Variants in PDE1A observed in about 807,000 individuals in gnomAD.
PDE1A encodes dual specificity calcium/calmodulin-dependent 3',5'-cyclic nucleotide phosphodiesterase 1A.
A neutral mutation model predicts 61.7 loss-of-function variants in PDE1A; 35 were observed. That is an observed-to-expected ratio of 0.57 (90% CI 0.43 to 0.75). The LOEUF is 0.75. Among genes scored for constraint, PDE1A ranks in the 30% least tolerant of loss-of-function variants. The pLI is 0.00. For synonymous variants in PDE1A, 232 were observed against 213.2 expected (o/e 1.09, Z -0.77); for missense variants, 597 against 630.6 (o/e 0.95, Z 0.57).
chr2:182,411,901 T>C (rs1418089679), intron 1 of PDE1A, among the ~76,000 whole-genome samples: 1 of 151,824 alleles, frequency 6.6e-6, no homozygotes, highest in Non-Finnish European at 1.5e-5. Context: ...CTACTAAAAA[T>C]ACAAAAATTA....
At chr2:182,406,726 T>C (rs533222391) in intron 1 of PDE1A, among the ~76,000 whole-genome samples, 9 of 152,238 alleles carry the variant, frequency 5.9e-5, no homozygotes, top group African/African-American at 2.2e-4. Context: ...GCAGTAAATA[T>C]TTTCTTTAGT....
chr2:182,261,519 A>C (rs1013222916), intron 2 of PDE1A, among the ~76,000 whole-genome samples: 40 of 152,192 alleles, frequency 2.6e-4, no homozygotes, highest in Admixed American at 1.3e-4. Context: ...AGTAAATATT[A>C]GGAATAATGT....
chr2:182,305,951 GTCA>G (rs1338349590), intron 1 of PDE1A, among the ~76,000 whole-genome samples: 1 of 151,968 alleles, frequency 6.6e-6, no homozygotes, highest in African/African-American at 2.4e-5. Context: ...TTGAACTATA[GTCA>G]TCATACTATG....
chr2:182,693,019 GT>G, the PDE1A span, among the ~76,000 whole-genome samples: 1 of 152,098 alleles, frequency 6.6e-6, no homozygotes, highest in Non-Finnish European at 1.5e-5. Context: ...GAGCCCACGA[GT>G]TTGAGGTTGC....
At chr2:182,392,970 T>C (rs1472370924) in intron 1 of PDE1A, among the ~76,000 whole-genome samples, 1 of 152,246 alleles carries the variant, frequency 6.6e-6, no homozygotes, top group Admixed American at 6.5e-5. Context: ...GTGTAAGCTG[T>C]TTGTGGATCT....
chr2:182,477,759 G>A (rs1687458469), intron 2 of PDE1A, among the ~76,000 whole-genome samples: 1 of 151,922 alleles, frequency 6.6e-6, no homozygotes, highest in Non-Finnish European at 1.5e-5. Flanking sequence ...GCATAAGATT[G>A]CATAGTTACG....
intron 2 of PDE1A, among the ~76,000 whole-genome samples, chr2:182,254,113 C>G (rs552781362): frequency 6.6e-6 from 1 of 152,104 alleles, no homozygotes; most frequent in African/African-American, 2.4e-5. Flanking sequence ...ACACATAGAG[C>G]TTTTTTGTTA....
chr2:182,560,566 T>C, the PDE1A span, among the ~76,000 whole-genome samples: 15 of 151,896 alleles, frequency 9.9e-5, no homozygotes, highest in Non-Finnish European at 1.8e-4. Flanking sequence ...TATAGTCCTT[T>C]GGGTATATAC....
chr2:182,376,955 G>T (rs139226652), intron 1 of PDE1A, among the ~76,000 whole-genome samples: 1,657 of 152,260 alleles, frequency 0.011, 18 homozygotes, highest in Middle Eastern at 0.02. Context: ...TAGTATAGGG[G>T]AAACTGCCCC....
intron 2 of PDE1A, among the ~76,000 whole-genome samples, chr2:182,455,903 T>C (rs1367988647): frequency 6.9e-6 from 1 of 145,870 alleles, no homozygotes; most frequent in African/African-American, 2.6e-5. Context: ...ACTTAAAGTA[T>C]AATAATAATA....
At chr2:182,640,655 A>T in the PDE1A span, among the ~76,000 whole-genome samples, 2 of 152,166 alleles carry the variant, frequency 1.3e-5, no homozygotes, top group African/African-American at 2.4e-5. Context: ...ATACTGTAAG[A>T]CAAAGGGTAT....
intron 1 of PDE1A, among the ~76,000 whole-genome samples, chr2:182,313,567 G>A (rs574930541): frequency 6.6e-6 from 1 of 152,142 alleles, no homozygotes; most frequent in East Asian, 1.9e-4. Context: ...AGCAGTAAGA[G>A]CAGACATCTT....
At chr2:182,673,540 C>T in the PDE1A span, among the ~76,000 whole-genome samples, 5 of 151,866 alleles carry the variant, frequency 3.3e-5, no homozygotes, top group Non-Finnish European at 5.9e-5. Flanking sequence ...TCAGAAAATG[C>T]GTCACTTAAA....
At chr2:182,177,485 T>C (rs1388080088) in intron 13 of PDE1A, among the ~76,000 whole-genome samples, 2 of 152,170 alleles carry the variant, frequency 1.3e-5, no homozygotes, top group African/African-American at 4.8e-5. Flanking sequence ...GAGGTGTTTG[T>C]AGTATTCTCC....
chr2:182,665,369 C>T, the PDE1A span, among the ~76,000 whole-genome samples: 1 of 151,822 alleles, frequency 6.6e-6, no homozygotes, highest in African/African-American at 2.4e-5. Context: ...AACAAATTTA[C>T]AGGAAAAAAA....
chr2:182,467,072 A>G (rs1686720372), intron 2 of PDE1A, among the ~76,000 whole-genome samples: 1 of 151,858 alleles, frequency 6.6e-6, no homozygotes, highest in South Asian at 2.1e-4. Context: ...AAAGAAAGAA[A>G]AGGAAGGGAT....
the PDE1A span, among the ~76,000 whole-genome samples, chr2:182,636,739 G>A: frequency 4.4e-3 from 669 of 152,298 alleles, 3 homozygotes; most frequent in South Asian, 0.011. Flanking sequence ...CCTGCTTAGA[G>A]TCTCACAGGA....
At chr2:182,185,659 G>C (rs1864855) in intron 13 of PDE1A, 454,997 of 619,288 alleles carry the variant, frequency 0.73, 168,984 homozygotes, top group East Asian at 0.92. Flanking sequence ...CAGTTTGCCA[G>C]CACCCACTGA....
the PDE1A span, among the ~76,000 whole-genome samples, chr2:182,548,742 T>C: frequency 6.6e-6 from 1 of 152,192 alleles, no homozygotes; most frequent in Non-Finnish European, 1.5e-5. Flanking sequence ...AACACTAGTA[T>C]ATTTTCCCCA....
Sources: gnomAD v4.1 joint callset for allele counts (sites outside exome capture counted in the v4.1 genomes callset) on GRCh38, gnomAD v4.1.1 for gene constraint, MANE v1.5 for transcripts, NCBI Gene and HGNC (gene_info 2026-07-23, HGNC 2026-07-21) for gene names.